The following PLCB4 variants were observed in gnomAD, a reference collection of about 807,000 sequenced individuals.
The protein encoded by PLCB4 is phospholipase C beta 4, also known as 1-phosphatidylinositol 4,5-bisphosphate phosphodiesterase beta-4.
In PLCB4, 77 loss-of-function variants were observed where a neutral mutation model predicts 178.8. That is an observed-to-expected ratio of 0.43 (90% CI 0.36 to 0.52). PLCB4 has a LOEUF of 0.52. Among genes scored for constraint, PLCB4 ranks in the 20% least tolerant of loss-of-function variants. The pLI, the probability that PLCB4 is intolerant of heterozygous loss-of-function variation, is 0.00. For synonymous variants in PLCB4, 496 were observed against 490.8 expected, an observed-to-expected ratio of 1.01 and a Z score of -0.14; for missense variants, 1,024 against 1,453.4, an observed-to-expected ratio of 0.70 and a Z score of 4.80.
chr20:9,238,482 G>A (rs1479884910), intron 3 of PLCB4, among the ~76,000 whole-genome samples: 1 of 152,132 alleles, frequency 6.6e-6, no homozygotes, highest in Non-Finnish European at 1.5e-5. Flanking sequence ...GAACAGCATA[G>A]CCTTTGATTT....
At chr20:9,437,260 A>G in intron 30 of PLCB4, 108 bp downstream of exon 30, 2 of 1,016,574 alleles carry the variant, frequency 2.0e-6, no homozygotes, top group East Asian at 5.2e-5. Context: ...TTTGTGGGAA[A>G]GAACCTTTTA....
rs557315211 is a variant in PLCB4, at chr20:9,439,234, T to C, written c.2764+2082T>C. Among the ~76,000 whole-genome samples, 14 of 152,352 alleles carry C rather than the reference T, an allele frequency of 9.2e-5. No homozygotes were observed. The South Asian group carries it at 2.9e-3, about 32-fold the overall frequency. On this transcript the variant is annotated intron_variant, in intron 30 of 39. Coordinates refer to ENST00000378473, the MANE Select transcript of PLCB4 (RefSeq NM_001377142.1). Reference sequence around the variant, plus strand: ...TGCTTATGCACCTGTGATCAGCTGATAGGTTGACTGGAAGGTAGATGTGGG... The same window carrying C: ...TGCTTATGCACCTGTGATCAGCTGACAGGTTGACTGGAAGGTAGATGTGGG...
At position 9,304,244 on chromosome 20, in the gene PLCB4, G is replaced by T. The variant is rs1391646082; in HGVS notation, c.-15-3556G>T. Among the ~76,000 whole-genome samples, 7 of 150,926 alleles carry T rather than the reference G, an allele frequency of 4.6e-5. No individual in the cohort carries two copies. In the East Asian group the frequency reaches 5.8e-4, roughly 13 times the overall value. On this transcript the variant is annotated intron_variant, in intron 3 of 39. Transcript: ENST00000378473. ...GGGTGTATGTATGTGTGTGTGGGGGGGTGTGAATGTTTAATTTCCATGTAT... is the reference window on the plus strand; with the variant it reads ...GGGTGTATGTATGTGTGTGTGGGGGTGTGTGAATGTTTAATTTCCATGTAT...
intron 9 of PLCB4, among the ~76,000 whole-genome samples, chr20:9,367,367 T>C (rs1383186763): frequency 6.6e-6 from 1 of 152,214 alleles, no homozygotes. Flanking sequence ...TCTGCTTTTA[T>C]TTAATAACTT....
At chr20:9,158,551 G>C (rs552948521) in intron 2 of PLCB4, among the ~76,000 whole-genome samples, 2 of 150,496 alleles carry the variant, frequency 1.3e-5, no homozygotes, top group East Asian at 1.9e-4. Flanking sequence ...TTACAGGCGT[G>C]AGCCACTGCA....
intron 3 of PLCB4, among the ~76,000 whole-genome samples, chr20:9,233,468 A>G (rs1299810294): frequency 6.6e-6 from 1 of 152,128 alleles, no homozygotes; most frequent in Non-Finnish European, 1.5e-5. Context: ...GAACAGGATA[A>G]TTTCATGTAG....
At chr20:9,434,513 T>A (rs2041637944) in intron 28 of PLCB4, among the ~76,000 whole-genome samples, 1 of 152,106 alleles carries the variant, frequency 6.6e-6, no homozygotes, top group Non-Finnish European at 1.5e-5. Context: ...GTAGCTGAGA[T>A]TACAGGCATG....
intron 25 of PLCB4, among the ~76,000 whole-genome samples, chr20:9,419,394 A>G (rs745468933): frequency 1.3e-5 from 2 of 152,198 alleles, no homozygotes; most frequent in African/African-American, 2.4e-5. Context: ...TCATAATTAG[A>G]TCTTACCATT....
At chr20:9,213,988 C>G (rs2093701244) in intron 2 of PLCB4, among the ~76,000 whole-genome samples, 1 of 152,076 alleles carries the variant, frequency 6.6e-6, no homozygotes, top group African/African-American at 2.4e-5. Flanking sequence ...GGTTATTTGT[C>G]TTTTTCCTGT....
intron 1 of PLCB4, among the ~76,000 whole-genome samples, chr20:9,088,558 C>A (rs1449777372): frequency 6.6e-6 from 1 of 152,106 alleles, no homozygotes; most frequent in Non-Finnish European, 1.5e-5. Flanking sequence ...TACTAAGTAC[C>A]AAATAAATGC....
chr20:9,459,874 G>A, intron 35 of PLCB4, 64 bp downstream of exon 35: 1 of 1,081,304 alleles, frequency 9.2e-7, no homozygotes, highest in Non-Finnish European at 1.4e-6. Context: ...GATTTTGTGT[G>A]TATAAGAGAG....
chr20:9,262,969 C>T (rs560808552), intron 3 of PLCB4, among the ~76,000 whole-genome samples: 7 of 152,252 alleles, frequency 4.6e-5, no homozygotes, highest in East Asian at 1.9e-4. Context: ...TGATTTTCAG[C>T]GGCTCTCTTA....
rs1603091873 is a variant in PLCB4 at position 9,472,960 on chromosome 20, A to T, written c.3408+113A>T. ...TTTAATTTGATTTTTCTGTACATTA[A>T]ACATTCCAGCTTCTCTGCTCCCTGA... On this transcript the variant is annotated intron_variant, in intron 37 of 39. Transcript: ENST00000378473. 2.1e-5 allele frequency: 13 copies of T among 625,746 alleles called. No homozygotes were observed. The East Asian group carries it at 3.8e-4, about 18-fold the overall frequency. 38.8% of individuals were successfully genotyped at this position (625,746 alleles called of 1,614,324 possible).
chr20:9,455,403 A>G (rs1268199611), intron 33 of PLCB4, among the ~76,000 whole-genome samples: 3 of 152,222 alleles, frequency 2.0e-5, no homozygotes, highest in South Asian at 2.1e-4. Context: ...GATTCAATCA[A>G]TCATGAGTGC....
chr20:9,228,861 A>G (rs1326936644), intron 3 of PLCB4, among the ~76,000 whole-genome samples: 4 of 152,190 alleles, frequency 2.6e-5, no homozygotes, highest in African/African-American at 9.6e-5. Context: ...GGGCCCATGC[A>G]GAACCTCCTA....
chr20:9,437,532 G>A (rs939099579), intron 30 of PLCB4, among the ~76,000 whole-genome samples: 25 of 152,210 alleles, frequency 1.6e-4, no homozygotes, highest in African/African-American at 5.1e-4. Context: ...AAAGAATCAC[G>A]TGTCTCATAT....
intron 1 of PLCB4, among the ~76,000 whole-genome samples, chr20:9,074,832 A>ATTTTTT (rs549956475): frequency 1.4e-4 from 19 of 131,210 alleles, no homozygotes; most frequent in African/African-American, 5.1e-4. Flanking sequence ...AAAACAAAAC[A>ATTTTTT]AAACAAAACA....
chr20:9,434,524 C>T (rs1210492939), intron 28 of PLCB4, among the ~76,000 whole-genome samples: 2 of 152,088 alleles, frequency 1.3e-5, no homozygotes, highest in African/African-American at 2.4e-5. Context: ...TACAGGCATG[C>T]GCCACCAAGC....
chr20:9,405,278 G>T (rs755199692), intron 20 of PLCB4, 35 bp from the exon 21 acceptor site: 1 of 1,346,304 alleles, frequency 7.4e-7, no homozygotes, highest in East Asian at 2.5e-5. Context: ...TTGCCCTTTA[G>T]AGAAGTAAAC....
Sources: allele counts gnomAD v4.1 joint callset (sites outside exome capture counted in the v4.1 genomes callset), GRCh38; gene constraint gnomAD v4.1.1; transcripts MANE v1.5; gene names NCBI Gene and HGNC (gene_info 2026-07-23, HGNC 2026-07-21).